Variants in ANKS1A observed in about 807,000 individuals in gnomAD.
ANKS1A encodes the protein ankyrin repeat and sterile alpha motif domain containing 1A.
A neutral mutation model predicts 120.3 loss-of-function variants in ANKS1A; 55 were observed. That is an observed-to-expected ratio of 0.46 (90% CI 0.37 to 0.57). The LOEUF (loss-of-function observed/expected upper bound fraction) is 0.57. ANKS1A is among the 20% of genes least tolerant of loss of function. ANKS1A has a pLI of 0.00. For synonymous variants in ANKS1A, 590 were observed against 604.7 expected, an observed-to-expected ratio of 0.98 and a Z score of 0.36; for missense variants, 1,123 against 1,480.3, an observed-to-expected ratio of 0.76 and a Z score of 3.96.
intron 13 of ANKS1A, among the ~76,000 whole-genome samples, chr6:35,065,393 T>C (rs1776721589): frequency 6.6e-6 from 1 of 152,194 alleles, no homozygotes; most frequent in African/African-American, 2.4e-5. Flanking sequence ...GACCAACTGC[T>C]CTTTAAAGTG....
At chr6:34,963,414 T>C (rs912752369) in intron 1 of ANKS1A, among the ~76,000 whole-genome samples, 5 of 152,220 alleles carry the variant, frequency 3.3e-5, no homozygotes, top group South Asian at 2.1e-4. Context: ...TACCATAATG[T>C]CCTCTAGGTT....
At position 34,969,309 on chromosome 6, in the gene ANKS1A, G is replaced by A. The variant is rs142122744; in HGVS notation, c.279-701G>A. On this transcript the variant is annotated intron_variant, in intron 2 of 23. Coordinates refer to ENST00000360359, the MANE Select transcript of ANKS1A (RefSeq NM_015245.3). The stretch of plus-strand genomic sequence containing the variant: ...CGCTCTGTCACCCAGGCTGGAGTGC[G>A]ATGGCGTAATCTCAGCTCACTACAA... Among the ~76,000 whole-genome samples, 295 of 152,138 alleles carry A rather than the reference G, an allele frequency of 1.9e-3. 2 individuals are homozygous for A. The highest frequency in any genetic ancestry group is 6.1e-3 in the African/African-American group (254 of 41,500).
At chr6:35,054,497 C>T (rs746924434) in intron 12 of ANKS1A, among the ~76,000 whole-genome samples, 8 of 152,192 alleles carry the variant, frequency 5.3e-5, no homozygotes, top group Non-Finnish European at 1.2e-4. Context: ...TGCACCTCAG[C>T]GTTGGTCTCT....
chr6:34,931,107 G>A (rs1320869778), intron 1 of ANKS1A, among the ~76,000 whole-genome samples: 1 of 150,846 alleles, frequency 6.6e-6, no homozygotes, highest in Non-Finnish European at 1.5e-5. Context: ...TTGAACTCCC[G>A]ACCTCAGGTG....
chr6:35,039,849 A>G (rs1453486636), intron 11 of ANKS1A, among the ~76,000 whole-genome samples: 2 of 152,212 alleles, frequency 1.3e-5, no homozygotes, highest in African/African-American at 4.8e-5. Flanking sequence ...TAAACAACAG[A>G]TGTTTATTTC....
chr6:35,081,672 G>A (rs1197741612), intron 17 of ANKS1A, among the ~76,000 whole-genome samples: 4 of 152,210 alleles, frequency 2.6e-5, no homozygotes, highest in African/African-American at 9.6e-5. Flanking sequence ...TCTGCCTGCA[G>A]CCCCGTGGGG....
rs1281217052 is a variant in ANKS1A, at chr6:35,084,685, C to G, written c.3132+427C>G. ...GGCAAGGCCTTTGTTTCCCCCGGCT[C>G]CCTGCCCTAGGTCTCCAACCTCTGG... On this transcript the variant is annotated intron_variant, in intron 21 of 23. Transcript: ENST00000360359. This position sits in a 1 kb window ranked among gnomAD's most constrained non-coding sequence, Gnocchi z 4.8. 6.6e-6 allele frequency among the ~76,000 whole-genome samples: 1 copy of G among 152,154 alleles called. No individual in the cohort carries two copies. The highest frequency in any genetic ancestry group is 1.5e-5 in the Non-Finnish European group (1 of 68,020).
intron 1 of ANKS1A, among the ~76,000 whole-genome samples, chr6:34,950,575 G>A (rs1010942440): frequency 2.6e-5 from 4 of 152,042 alleles, no homozygotes; most frequent in Admixed American, 6.6e-5. Context: ...AGAGAGATCC[G>A]GCTTAACTCC....
At chr6:35,003,327 A>C (rs1773265949) in intron 10 of ANKS1A, among the ~76,000 whole-genome samples, 1 of 152,188 alleles carries the variant, frequency 6.6e-6, no homozygotes, top group African/African-American at 2.4e-5. Flanking sequence ...AGCCTTGACT[A>C]TTCTGGCCCG....
At position 34,982,950 on chromosome 6, in the gene ANKS1A, T is replaced by G; in HGVS notation, c.808+123T>G. On this transcript the variant is annotated intron_variant, in intron 5 of 23. Coordinates refer to ENST00000360359, the MANE Select transcript of ANKS1A (RefSeq NM_015245.3). The surrounding 1 kb of genome is among the most constrained non-coding windows in gnomAD (Gnocchi z 4.9). ...TCAATGTATGTGTATCTCCACTGGT[T>G]GATTACAAGTGTGTAAACTGTTCTT... The G allele has an allele frequency of 7.8e-7, 1 of 1,288,826 alleles. No individual in the cohort carries two copies. The highest frequency in any genetic ancestry group is 1.1e-6 in the Non-Finnish European group (1 of 891,708). 79.8% of individuals were successfully genotyped at this position (1,288,826 alleles called of 1,614,324 possible). A position where few individuals can be genotyped will look rare whatever the true frequency, so the allele number is the denominator to read the frequency against.
rs79484479 is a variant in ANKS1A, at chr6:34,995,949, T to C, written c.1423+1527T>C. Among the ~76,000 whole-genome samples the C allele has an allele frequency of 4.7e-3, 712 of 152,342 alleles. 20 individuals are homozygous for C. The East Asian group carries it at 0.1, about 22-fold the overall frequency. On this transcript the variant is annotated intron_variant, in intron 10 of 23. Coordinates refer to ENST00000360359, the MANE Select transcript of ANKS1A (RefSeq NM_015245.3). ...ATGGGATTGCTGGGTATCCCAGCAATAGATGTTTAACTTTATATGAAATAT... is the reference window on the plus strand; with the variant it reads ...ATGGGATTGCTGGGTATCCCAGCAACAGATGTTTAACTTTATATGAAATAT...
downstream of ANKS1A, among the ~76,000 whole-genome samples, chr6:35,091,564 ACTCTC>A (rs1778304772): frequency 6.6e-6 from 1 of 152,016 alleles, no homozygotes; most frequent in Non-Finnish European, 1.5e-5. Context: ...TCTGTCTCGC[ACTCTC>A]TAACAAACAG....
intron 3 of ANKS1A, among the ~76,000 whole-genome samples, chr6:34,973,913 TCCCTTC>T (rs1309580967): frequency 1.9e-4 from 12 of 64,520 alleles, no homozygotes; most frequent in Middle Eastern, 0.01. Context: ...CCCTTCCCCT[TCCCTTC>T]CCCTTCCCCT....
At chr6:34,918,367 G>A (rs1301897064) in intron 1 of ANKS1A, among the ~76,000 whole-genome samples, 1 of 152,088 alleles carries the variant, frequency 6.6e-6, no homozygotes, top group Non-Finnish European at 1.5e-5. Flanking sequence ...AAATGGGGGT[G>A]GTAATAGTAT....
At position 35,039,091 on chromosome 6, in the gene ANKS1A, T is replaced by TGTG. The variant is rs1554150015; in HGVS notation, c.2011-15007_2011-15006insTGG. ...TTTTGCATGTATGTGTGTGTGTGTG[T>TGTG]GGGGGGGGGTTATATGCATTTTTAT... On this transcript the variant is annotated intron_variant, in intron 11 of 23. Coordinates refer to ENST00000360359, the MANE Select transcript of ANKS1A (RefSeq NM_015245.3). Among the ~76,000 whole-genome samples the TGTG allele has an allele frequency of 1.5e-3, 166 of 113,910 alleles. 1 individual carries two copies. The South Asian group carries it at 0.019, about 13-fold the overall frequency. 74.7% of individuals were successfully genotyped at this position (113,910 alleles called of 152,430 possible). A position where few individuals can be genotyped will look rare whatever the true frequency, so the allele number is the denominator to read the frequency against.
At position 35,082,756 on chromosome 6, in the gene ANKS1A, G is replaced by C; in HGVS notation, c.2775G>C (p.Val925=). 1 of 1,614,000 alleles carries C rather than the reference G, an allele frequency of 6.2e-7. No individual in the cohort carries two copies. The highest frequency in any genetic ancestry group is 1.1e-5 in the South Asian group (1 of 91,084). The change falls in exon 18 of 24, where the codon GTG becomes GTC. Residue 925 remains valine, a synonymous_variant. Transcript: ENST00000360359. This position sits in a 1 kb window ranked among gnomAD's most constrained non-coding sequence, Gnocchi z 4.1. The part of the protein sequence containing the change: ...PPSLAAPYAP[V]QSWQHQPEKL... ...GCCTGGCAGCCCCCTACGCCCCAGT[G>C]CAGAGTTGGCAACACCAGCCAGAGA...
chr6:34,927,451 A>G (rs1418145378), intron 1 of ANKS1A, among the ~76,000 whole-genome samples: 1 of 152,084 alleles, frequency 6.6e-6, no homozygotes, highest in Non-Finnish European at 1.5e-5. Context: ...ATTAGTTTTT[A>G]TACAGGGGCA....
At chr6:35,079,472 G>C in intron 14 of ANKS1A, 44 bp from the exon 15 acceptor site, 1 of 1,609,006 alleles carries the variant, frequency 6.2e-7, no homozygotes. Flanking sequence ...TCCCTCTCCT[G>C]TGAGTGCTGA....
At position 34,956,484 on chromosome 6, in the gene ANKS1A, G is replaced by T. The variant is rs571687468; in HGVS notation, c.198-10755G>T. On this transcript the variant is annotated intron_variant, in intron 1 of 23. Coordinates refer to ENST00000360359, the MANE Select transcript of ANKS1A (RefSeq NM_015245.3). ...CTGATTGGATGTTCTGTATAGAGGT[G>T]GGAAGAGATTGTCAAGGATAGGCTT... 1.2e-3 allele frequency among the ~76,000 whole-genome samples: 184 copies of T among 152,190 alleles called. 1 individual carries two copies. The highest frequency in any genetic ancestry group is 6.8e-3 in the Middle Eastern group (2 of 294).
Sources: gnomAD v4.1 joint callset for allele counts (sites outside exome capture counted in the v4.1 genomes callset) on GRCh38, gnomAD v4.1.1 for gene constraint, Gnocchi (gnomAD v3.1) non-coding constraint, MANE v1.5 for transcripts, NCBI Gene and HGNC (gene_info 2026-07-23, HGNC 2026-07-21) for gene names.